The following SIN3A variants were observed in gnomAD, a reference collection of about 807,000 sequenced individuals.
SIN3A encodes paired amphipathic helix protein Sin3a.
A neutral mutation model predicts 146.1 loss-of-function variants in SIN3A; 14 were observed. That is an observed-to-expected ratio of 0.10 (90% CI 0.06 to 0.15). The LOEUF is 0.15. SIN3A is among the 10% of genes least tolerant of loss of function. SIN3A has a pLI of 1.00. For synonymous variants in SIN3A, 572 were observed against 572.0 expected (o/e 1.00, Z 0.00); for missense variants, 1,028 against 1,576.0 (o/e 0.65, Z 5.89).
At chr15:75,429,554 T>C (rs2141568442) in intron 2 of SIN3A, among the ~76,000 whole-genome samples, 1 of 152,368 alleles carries the variant, frequency 6.6e-6, no homozygotes. Flanking sequence ...AGCTGTCTTT[T>C]TTAAAAATAA....
intron 2 of SIN3A, among the ~76,000 whole-genome samples, chr15:75,423,869 A>G (rs1312557915): frequency 1.3e-5 from 2 of 151,864 alleles, no homozygotes; most frequent in Non-Finnish European, 2.9e-5. Flanking sequence ...GGTAACACGC[A>G]TCTGTAATCC....
At chr15:75,394,311 G>A (rs1567338090) in intron 14 of SIN3A, among the ~76,000 whole-genome samples, 1 of 152,206 alleles carries the variant, frequency 6.6e-6, no homozygotes, top group Non-Finnish European at 1.5e-5. Context: ...AATAAGCAAG[G>A]ATTACAAAGA....
chr15:75,392,559 T>A lies in SIN3A; in HGVS notation c.2534A>T (p.Asp845Val). The A allele has an allele frequency of 6.2e-7, 1 of 1,614,148 alleles. No homozygotes were observed. Among genetic ancestry groups the A allele is most frequent in the Non-Finnish European group, 8.5e-7 (1 of 1,180,034 alleles). The part of the protein sequence containing the change: ...EEEEEEEMDV[D>V]EATGAVKKHN... ...CTTCTTAACTGCCCCTGTGGCTTCA[T>A]CTACATCCATCTCTTCTTCTTCCTC... Residue 845 changes from aspartate (D) to valine (V), a missense_variant, in exon 15 of 21, where the codon GAT (aspartate) becomes GTT (valine). Around this residue, in one of 9 missense-constraint regions of SIN3A, gnomAD observed 488 missense variants for 690.2 expected, o/e 0.71. Coordinates refer to ENST00000394947, the MANE Select transcript of SIN3A (RefSeq NM_001145358.2).
At chr15:75,407,312 A>G (rs1457386803) in intron 8 of SIN3A, among the ~76,000 whole-genome samples, 168 bp from the exon 9 acceptor site, 2 of 152,224 alleles carry the variant, frequency 1.3e-5, no homozygotes, top group African/African-American at 2.4e-5. Context: ...ATTTCAACTC[A>G]TATTTTCTAT....
intron 19 of SIN3A, among the ~76,000 whole-genome samples, chr15:75,379,723 G>A (rs1031352139): frequency 4.6e-5 from 7 of 152,132 alleles, no homozygotes; most frequent in Admixed American, 6.6e-5. Flanking sequence ...TAAGACATAA[G>A]ATTTCAATTC....
intron 12 of SIN3A, among the ~76,000 whole-genome samples, chr15:75,397,761 G>C (rs2073331942): frequency 6.6e-6 from 1 of 152,160 alleles, no homozygotes. Flanking sequence ...TCACAAATGG[G>C]AAATGAAGTT....
intron 9 of SIN3A, among the ~76,000 whole-genome samples, chr15:75,403,387 G>A (rs1272505630): frequency 2.0e-5 from 3 of 150,946 alleles, no homozygotes; most frequent in South Asian, 4.3e-4. Context: ...CCAAGATCAC[G>A]CCACTGTACT....
intron 9 of SIN3A, among the ~76,000 whole-genome samples, chr15:75,405,616 T>C (rs2073498309): frequency 6.6e-6 from 1 of 151,486 alleles, no homozygotes; most frequent in Non-Finnish European, 1.5e-5. Flanking sequence ...CTGGGCACGG[T>C]AGTAGGCGCC....
At chr15:75,414,334 G>C in intron 3 of SIN3A, 23 bp from the exon 4 acceptor site, 1 of 1,320,578 alleles carries the variant, frequency 7.6e-7, no homozygotes, top group Non-Finnish European at 1.0e-6. Context: ...TAAATATCAA[G>C]GTTATAAAAA....
intron 1 of SIN3A, among the ~76,000 whole-genome samples, chr15:75,431,953 G>A (rs886363012): frequency 1.2e-4 from 18 of 152,172 alleles, no homozygotes; most frequent in African/African-American, 4.1e-4. Flanking sequence ...CCACAAATAT[G>A]CTCTCTGTGG....
intron 17 of SIN3A, among the ~76,000 whole-genome samples, chr15:75,383,277 A>T (rs1355929987): frequency 6.6e-6 from 1 of 152,032 alleles, no homozygotes; most frequent in African/African-American, 2.4e-5. Context: ...GTCTTAAAAA[A>T]AAAAAAAAAA....
intron 18 of SIN3A, 43 bp from the exon 19 acceptor site, chr15:75,380,766 A>G (rs1472512481): frequency 7.2e-7 from 1 of 1,394,696 alleles, no homozygotes; most frequent in South Asian, 1.2e-5. Context: ...GAAATCACAA[A>G]AACAGCTCCT....
chr15:75,431,305 A>G (rs1287771848), intron 1 of SIN3A, among the ~76,000 whole-genome samples: 2 of 152,030 alleles, frequency 1.3e-5, no homozygotes, highest in African/African-American at 4.8e-5. Flanking sequence ...GGAACAGATC[A>G]CTCCTAAATT....
intron 8 of SIN3A, among the ~76,000 whole-genome samples, chr15:75,407,566 C>A (rs1236031527): frequency 6.6e-6 from 1 of 151,986 alleles, no homozygotes; most frequent in Non-Finnish European, 1.5e-5. Flanking sequence ...CAATCTTTAA[C>A]CCTGAATAAT....
chr15:75,392,925 T>C (rs2073234885), intron 14 of SIN3A, 110 bp from the exon 15 acceptor site: 4 of 871,750 alleles, frequency 4.6e-6, no homozygotes, highest in Non-Finnish European at 7.0e-6. Context: ...TCTATATTTT[T>C]CTAATCAAAA....
chr15:75,377,518 G>A (rs925585509), intron 19 of SIN3A, among the ~76,000 whole-genome samples: 1 of 151,888 alleles, frequency 6.6e-6, no homozygotes, highest in Non-Finnish European at 1.5e-5. Flanking sequence ...CCAGCTATTC[G>A]GGAGGGTGAG....
intron 2 of SIN3A, 88 bp downstream of exon 2, chr15:75,430,099 C>T (rs2141570682): frequency 1.1e-6 from 1 of 949,538 alleles, no homozygotes; most frequent in Non-Finnish European, 1.6e-6. Flanking sequence ...TTTTTAATAT[C>T]TAACACAGTA....
At chr15:75,430,530 T>A (rs1001943736) in intron 1 of SIN3A, 122 bp from the exon 2 acceptor site, 1 of 673,230 alleles carries the variant, frequency 1.5e-6, no homozygotes, top group East Asian at 3.1e-5. Context: ...ATCTATTTCA[T>A]CTTAGTGATG....
intron 3 of SIN3A, among the ~76,000 whole-genome samples, chr15:75,415,091 C>A (rs969847569): frequency 6.6e-6 from 1 of 152,072 alleles, no homozygotes; most frequent in Non-Finnish European, 1.5e-5. Flanking sequence ...AATTTGACTG[C>A]AGTGTTGAGA....
Sources: allele counts gnomAD v4.1 joint callset (sites outside exome capture counted in the v4.1 genomes callset), GRCh38; gene constraint gnomAD v4.1.1; regional missense constraint gnomAD v4.1.1; transcripts MANE v1.5; gene names NCBI Gene and HGNC (gene_info 2026-07-23, HGNC 2026-07-21).